Variants in KCND2 observed in about 807,000 individuals in gnomAD.
KCND2 encodes A-type voltage-gated potassium channel KCND2.
KCND2 carries 16 observed loss-of-function variants against 54.4 expected under a neutral mutation model. The ratio of observed to expected loss-of-function variants is 0.29; its 90% confidence interval spans 0.20 to 0.45. The LOEUF (loss-of-function observed/expected upper bound fraction) is 0.45. Ranked by LOEUF, KCND2 falls within the 20% of genes least tolerant of loss-of-function variation. KCND2 has a pLI of 1.00. For synonymous variants in KCND2, 317 were observed against 310.7 expected (o/e 1.02, Z -0.21); for missense variants, 486 against 824.2 (o/e 0.59, Z 5.02).
intron 1 of KCND2, among the ~76,000 whole-genome samples, chr7:120,372,579 TTTGTA>T (rs79059192): frequency 5.9e-5 from 9 of 151,898 alleles, no homozygotes; most frequent in East Asian, 1.9e-4. Flanking sequence ...AAAAACAAAC[TTTGTA>T]TTGTATTGTA....
chr7:120,460,573 T>C (rs1268830805), intron 1 of KCND2, among the ~76,000 whole-genome samples: 1 of 151,790 alleles, frequency 6.6e-6, no homozygotes, highest in Non-Finnish European at 1.5e-5. Context: ...TTTTTTTTTT[T>C]TTTTACATTT....
intron 1 of KCND2, among the ~76,000 whole-genome samples, chr7:120,556,428 C>T (rs765454917): frequency 6.6e-6 from 1 of 152,194 alleles, no homozygotes. Context: ...AGAGCCTTCT[C>T]TCAAGAAGCA....
chr7:120,712,241 A>ATTTTTTTTTTTTTTTTTTT lies in KCND2; in HGVS notation c.1116-20640_1116-20622dup, dbSNP rs869059871. On this transcript the variant is annotated intron_variant, in intron 1 of 5. Transcript: ENST00000331113. ...TTTTCTTTGAATTTTGGATATCTGA[A>ATTTTTTTTTTTTTTTTTTT]TTTTTTTTTTTTTTTTTTTTTTTTT... 2.9e-4 allele frequency among the ~76,000 whole-genome samples: 10 copies of ATTTTTTTTTTTTTTTTTTT among 34,784 alleles called. 4 individuals are homozygous for ATTTTTTTTTTTTTTTTTTT. Among genetic ancestry groups the ATTTTTTTTTTTTTTTTTTT allele is most frequent in the Non-Finnish European group, 4.7e-4 (9 of 18,962 alleles). 22.8% of individuals were successfully genotyped at this position (34,784 alleles called of 152,430 possible).
At chr7:120,722,437 A>G (rs2116108885) in intron 1 of KCND2, among the ~76,000 whole-genome samples, 1 of 152,318 alleles carries the variant, frequency 6.6e-6, no homozygotes, top group South Asian at 2.1e-4. Flanking sequence ...TCAGTCAGAC[A>G]CTACTGCTGC....
intron 1 of KCND2, among the ~76,000 whole-genome samples, chr7:120,540,814 TA>T (rs61191128): frequency 1.1e-4 from 16 of 148,240 alleles, no homozygotes; most frequent in South Asian, 4.2e-4. Context: ...TCACTCTCTA[TA>T]AAAAAAAATA....
chr7:120,315,471 G>A (rs2116321504), intron 1 of KCND2, among the ~76,000 whole-genome samples: 1 of 152,140 alleles, frequency 6.6e-6, no homozygotes, highest in Middle Eastern at 3.4e-3. Context: ...ATTTTCCACA[G>A]GAAAGCAAAG....
chr7:120,357,406 T>A (rs1800522139), intron 1 of KCND2, among the ~76,000 whole-genome samples: 1 of 152,120 alleles, frequency 6.6e-6, no homozygotes, highest in Non-Finnish European at 1.5e-5. Context: ...ATTTTTACCC[T>A]CCTATCCCAT....
intron 1 of KCND2, among the ~76,000 whole-genome samples, chr7:120,672,045 C>T (rs1791999678): frequency 1.3e-5 from 2 of 152,044 alleles, no homozygotes; most frequent in Non-Finnish European, 2.9e-5. Flanking sequence ...AAAGCCTGTC[C>T]TCACCTGTTC....
At chr7:120,550,865 A>C (rs1440655938) in intron 1 of KCND2, among the ~76,000 whole-genome samples, 2 of 152,248 alleles carry the variant, frequency 1.3e-5, no homozygotes, top group Non-Finnish European at 2.9e-5. Context: ...GCAAGCCGGA[A>C]ATAGCACTTC....
At chr7:120,493,240 T>C (rs1300121055) in intron 1 of KCND2, among the ~76,000 whole-genome samples, 1 of 151,054 alleles carries the variant, frequency 6.6e-6, no homozygotes, top group African/African-American at 2.4e-5. Flanking sequence ...GTTTCTGTTC[T>C]TTTCCCACAC....
chr7:120,414,843 A>G (rs989677151), intron 1 of KCND2, among the ~76,000 whole-genome samples: 9 of 152,062 alleles, frequency 5.9e-5, no homozygotes, highest in South Asian at 2.1e-4. Context: ...TACTACCATC[A>G]TGGGCCTTTC....
chr7:120,536,474 T>C (rs1791908582), intron 1 of KCND2, among the ~76,000 whole-genome samples: 1 of 152,206 alleles, frequency 6.6e-6, no homozygotes. Context: ...CGTGTGATGT[T>C]GTTTGATAGT....
chr7:120,648,985 G>A lies in KCND2; in HGVS notation c.1116-83918G>A, dbSNP rs1299920811. Among the ~76,000 whole-genome samples the A allele has an allele frequency of 2.6e-5, 4 of 152,064 alleles. No homozygotes were observed. In the East Asian group the frequency reaches 7.7e-4, roughly 29 times the overall value. On this transcript the variant is annotated intron_variant, in intron 1 of 5. Coordinates refer to ENST00000331113, the MANE Select transcript of KCND2 (RefSeq NM_012281.3). ...ATTGAATCACACTAGTAAAGTATTT[G>A]CATAGCAAATTGAAATTCACCTATT... is the stretch of plus-strand genomic sequence containing the variant.
At position 120,274,039 on chromosome 7, in the gene KCND2, A is replaced by G. The variant is rs1312291448; in HGVS notation, c.-594A>G. 1.3e-5 allele frequency: 2 copies of G among 157,308 alleles called. No individual in the cohort carries two copies. Among genetic ancestry groups the G allele is most frequent in the Admixed American group, 6.1e-5 (1 of 16,432 alleles). 9.7% of individuals were successfully genotyped at this position (157,308 alleles called of 1,614,324 possible). On this transcript the variant is annotated 5_prime_UTR_variant, in exon 1 of 6. Transcript: ENST00000331113. The stretch of plus-strand genomic sequence containing the variant: ...CAGCCCGAGGAGTAGAGGCAGCAGC[A>G]GCTGGACCCCCAAAGAGAGACGTGG...
At chr7:120,633,958 T>C (rs562797587) in intron 1 of KCND2, among the ~76,000 whole-genome samples, 2 of 152,304 alleles carry the variant, frequency 1.3e-5, no homozygotes, top group African/African-American at 4.8e-5. Context: ...ATTTTAAAGC[T>C]CTTTGAGTAT....
chr7:120,690,669 A>T (rs80262844), intron 1 of KCND2, among the ~76,000 whole-genome samples: 2,682 of 152,290 alleles, frequency 0.018, 24 homozygotes, highest in African/African-American at 0.021. Context: ...GTCACAAATA[A>T]CAAGCTATAT....
intron 1 of KCND2, among the ~76,000 whole-genome samples, chr7:120,642,429 G>A (rs888539008): frequency 1.3e-5 from 2 of 150,304 alleles, no homozygotes; most frequent in African/African-American, 4.9e-5. Context: ...GGGCGTGCTA[G>A]CGCACACCTG....
At chr7:120,481,042 A>G (rs1286671092) in intron 1 of KCND2, among the ~76,000 whole-genome samples, 2 of 152,242 alleles carry the variant, frequency 1.3e-5, no homozygotes, top group Admixed American at 6.5e-5. Context: ...CTTAGAGATT[A>G]CTTAAGTGGT....
chr7:120,406,570 T>C (rs184046597), intron 1 of KCND2, among the ~76,000 whole-genome samples: 73 of 152,148 alleles, frequency 4.8e-4, no homozygotes, highest in African/African-American at 1.7e-3. Flanking sequence ...AATAGAAATA[T>C]GTAACACAGC....
Sources: allele counts gnomAD v4.1 joint callset (sites outside exome capture counted in the v4.1 genomes callset), GRCh38; gene constraint gnomAD v4.1.1; transcripts MANE v1.5; gene names NCBI Gene and HGNC (gene_info 2026-07-23, HGNC 2026-07-21).